The following GLOD4 variants were observed in gnomAD, a reference collection of about 807,000 sequenced individuals.
GLOD4 encodes the protein glyoxalase domain-containing protein 4.
GLOD4 carries 44 observed loss-of-function variants against 39.1 expected under a neutral mutation model. The observed-to-expected ratio is 1.13, with a 90% CI of 0.88 to 1.45. The LOEUF (loss-of-function observed/expected upper bound fraction) is 1.45. Among genes scored for constraint, GLOD4 ranks in the 40% most tolerant of loss-of-function variants. The pLI, the probability that GLOD4 is intolerant of heterozygous loss-of-function variation, is 0.00. For missense variants in GLOD4, 405 were observed against 366.4 expected (o/e 1.11, Z -0.86); for synonymous variants, 145 against 135.0 (o/e 1.07, Z -0.52).
At chr17:783,417 A>T, upstream of GLOD4, 1 of 1,300,514 alleles carries the variant, frequency 7.7e-7, no homozygotes, top group Non-Finnish European at 1.0e-6. Flanking sequence ...GCCCACTGCA[A>T]CCTCCGCCTC....
rs182519614 is a variant in GLOD4 at position 776,375 on chromosome 17, C to T, written c.262-456G>A. Among the ~76,000 whole-genome samples the T allele has an allele frequency of 9.9e-4, 151 of 152,290 alleles. 2 individuals are homozygous for T. The highest frequency in any genetic ancestry group is 3.5e-3 in the African/African-American group (146 of 41,556). ...GAGAAGACCAGCCTTGTTTCTGGCT[C>T]GGTTTATTATAATGGCCTCTCTGCC... On this transcript the variant is annotated intron_variant, in intron 3 of 8. Transcript: ENST00000301329.
chr17:763,574 A>G (rs1451896420), intron 8 of GLOD4: 1 of 152,220 alleles, frequency 6.6e-6, no homozygotes, highest in Non-Finnish European at 1.5e-5. Context: ...CCGATATAGT[A>G]GCATTTATTT....
At chr17:771,257 G>A (rs1907901170) in intron 5 of GLOD4, 68 bp downstream of exon 5, 3 of 938,000 alleles carry the variant, frequency 3.2e-6, no homozygotes, top group African/African-American at 1.7e-5. Context: ...AAGGTTATAA[G>A]CCATTTATAA....
At chr17:761,973 G>A (rs1030916955) in intron 8 of GLOD4, among the ~76,000 whole-genome samples, 1 of 152,184 alleles carries the variant, frequency 6.6e-6, no homozygotes, top group Admixed American at 6.5e-5. Context: ...AAGGTCAGAG[G>A]GTAGAGAATG....
chr17:782,065 C>G, intron 1 of GLOD4, 101 bp downstream of exon 1: 1 of 811,190 alleles, frequency 1.2e-6, no homozygotes, highest in East Asian at 2.7e-5. Flanking sequence ...CACCCTCCGG[C>G]TTAGGTTCAC....
At chr17:767,271 G>A (rs1906745601) in intron 8 of GLOD4, among the ~76,000 whole-genome samples, 1 of 152,248 alleles carries the variant, frequency 6.6e-6, no homozygotes, top group Non-Finnish European at 1.5e-5. Context: ...AGAACGTCTA[G>A]TACATGCCAG....
intron 8 of GLOD4, among the ~76,000 whole-genome samples, chr17:767,257 T>C (rs1320438676): frequency 6.6e-6 from 1 of 152,230 alleles, no homozygotes; most frequent in East Asian, 1.9e-4. Context: ...AACAAAGTAT[T>C]TGCAGAACGT....
chr17:778,277 C>G (rs1909288102), intron 2 of GLOD4: 1 of 292,848 alleles, frequency 3.4e-6, no homozygotes, highest in Non-Finnish European at 6.3e-6. Context: ...AAGATCCAGA[C>G]TGTGACCGGC....
intron 8 of GLOD4, among the ~76,000 whole-genome samples, chr17:762,282 T>G (rs1035204165): frequency 2.6e-5 from 4 of 152,100 alleles, no homozygotes. Context: ...CACAACAAAA[T>G]AACACCAAAA....
intron 5 of GLOD4, 99 bp downstream of exon 5, chr17:771,226 T>TTCA: frequency 2.8e-6 from 2 of 704,000 alleles, no homozygotes; most frequent in Non-Finnish European, 4.8e-6. Flanking sequence ...GGGAACAACC[T>TTCA]TCATGTTAAC....
At chr17:772,187 GAAAAA>G (rs58914913) in intron 4 of GLOD4, among the ~76,000 whole-genome samples, 2 of 50,868 alleles carry the variant, frequency 3.9e-5, no homozygotes, top group Non-Finnish European at 6.7e-5. Flanking sequence ...ACCCTATCTC[GAAAAA>G]AAAAAAAAAA....
At chr17:763,492 G>A (rs1460871505) in intron 8 of GLOD4, 1 of 152,208 alleles carries the variant, frequency 6.6e-6, no homozygotes. Flanking sequence ...CTGCACTCTA[G>A]CCTGGGCAAC....
rs1277442358 is a variant in GLOD4, at chr17:759,769, C to G, written c.*404G>C. ...TATCGTCAGGCGCTGGGAATGGCAC[C>G]ACGACAAGGCATTAATGTGGATTCA... On this transcript the variant is annotated 3_prime_UTR_variant, in exon 9 of 9. Transcript: ENST00000301329. 1.9e-5 allele frequency: 3 copies of G among 161,922 alleles called. No individual in the cohort carries two copies. Among genetic ancestry groups the G allele is most frequent in the African/African-American group, 4.8e-5 (2 of 41,802 alleles). The allele number at this position is 161,922 out of a possible 1,614,324, so 10.0% of individuals were successfully genotyped here. A position where few individuals can be genotyped will look rare whatever the true frequency, so the allele number is the denominator to read the frequency against.
intron 4 of GLOD4, among the ~76,000 whole-genome samples, chr17:773,899 G>C (rs143163088): frequency 4.6e-5 from 7 of 152,276 alleles, no homozygotes; most frequent in African/African-American, 1.7e-4. Flanking sequence ...GTAATTCAAA[G>C]GAAAGATGAA....
At position 775,758 on chromosome 17, in the gene GLOD4, G is replaced by A; in HGVS notation, c.406+17C>T. ...ATGCCTTTAGACAGAGGCTTTTACT[G>A]GTTCTGGTATAATTACCTGACTGAG... On this transcript the variant is annotated intron_variant, in intron 4 of 8. Coordinates refer to ENST00000301329, the MANE Select transcript of GLOD4 (RefSeq NM_016080.4). The A allele has an allele frequency of 6.2e-7, 1 of 1,607,176 alleles. No homozygotes were observed. Among genetic ancestry groups the A allele is most frequent in the South Asian group, 1.1e-5 (1 of 90,824 alleles).
At chr17:785,176 T>C (rs1439691072), upstream of GLOD4, among the ~76,000 whole-genome samples, 4 of 152,008 alleles carry the variant, frequency 2.6e-5, no homozygotes, top group Non-Finnish European at 5.9e-5. Context: ...AAAAAAAAGC[T>C]TACTAAAAGG....
intron 8 of GLOD4, among the ~76,000 whole-genome samples, chr17:761,876 C>T (rs1040889006): frequency 6.6e-6 from 1 of 152,102 alleles, no homozygotes; most frequent in Admixed American, 6.6e-5. Context: ...GGGTTGGATG[C>T]AAGAAGAAGT....
rs1428152277 is a variant in GLOD4, at chr17:770,048, T to A, written c.740A>T (p.Asp247Val). 1.2e-6 allele frequency: 2 copies of A among 1,601,356 alleles called. No homozygotes were observed. Among genetic ancestry groups the A allele is most frequent in the African/African-American group, 2.7e-5 (2 of 74,622 alleles). Residue 247 changes from aspartate to valine, a missense_variant, in exon 7 of 9, where the codon GAC becomes GTC. Physicochemically the swap from Asp to Val is radical, Grantham distance 152. Coordinates refer to ENST00000301329, the MANE Select transcript of GLOD4 (RefSeq NM_016080.4). ...KATVQVVILADPDGHEICFVG... is the reference protein window; with the variant it reads ...KATVQVVILAVPDGHEICFVG... ...CCCTGCCTGAGAAATACTTACAGGG[T>A]CGGCCAGAATGACCACCTGTACTGT...
At chr17:785,018 C>T (rs1036725783), upstream of GLOD4, among the ~76,000 whole-genome samples, 1 of 152,274 alleles carries the variant, frequency 6.6e-6, no homozygotes, top group South Asian at 2.1e-4. Flanking sequence ...CTCCTGACTT[C>T]AGTCAGTAGC....
Sources: allele counts gnomAD v4.1 joint callset (sites outside exome capture counted in the v4.1 genomes callset), GRCh38; gene constraint gnomAD v4.1.1; transcripts MANE v1.5; gene names NCBI Gene and HGNC (gene_info 2026-07-23, HGNC 2026-07-21).